Variants in KCNMB4 observed in about 807,000 individuals in gnomAD.
KCNMB4 encodes potassium calcium-activated channel subfamily M regulatory beta subunit 4.
A neutral mutation model predicts 20.7 loss-of-function variants in KCNMB4; 3 were observed. That is an observed-to-expected ratio of 0.14 (90% confidence interval 0.07 to 0.37). The LOEUF is 0.37. Among genes scored for constraint, KCNMB4 ranks in the 10% least tolerant of loss-of-function variants. KCNMB4 has a pLI of 1.00. For synonymous variants in KCNMB4, 110 were observed against 113.4 expected, an observed-to-expected ratio of 0.97 and a Z score of 0.19; for missense variants, 168 against 265.9, an observed-to-expected ratio of 0.63 and a Z score of 2.56.
chr12:70,372,498 C>T (rs1450859899), intron 1 of KCNMB4, among the ~76,000 whole-genome samples: 1 of 152,082 alleles, frequency 6.6e-6, no homozygotes, highest in Admixed American at 6.6e-5. Context: ...CAGTGGGTAG[C>T]ACTGGTAAAA....
intron 2 of KCNMB4, among the ~76,000 whole-genome samples, chr12:70,401,880 T>A (rs1181330830): frequency 6.6e-6 from 1 of 152,106 alleles, no homozygotes; most frequent in East Asian, 1.9e-4. Context: ...GCCTCGGCTC[T>A]GGAATTTGAA....
chr12:70,413,930 G>T (rs1050891412), intron 2 of KCNMB4, among the ~76,000 whole-genome samples: 9 of 152,136 alleles, frequency 5.9e-5, no homozygotes, highest in Admixed American at 3.3e-4. Context: ...GAGAGTTTCT[G>T]TCTGGTGAGA....
Position 70,366,581 on chromosome 12 carries a change from T to G in KCNMB4, c.-154T>G. The G allele has an allele frequency of 3.1e-6, 1 of 324,964 alleles. No individual in the cohort carries two copies. The highest frequency in any genetic ancestry group is 4.8e-6 in the Non-Finnish European group (1 of 207,970). 20.1% of individuals were successfully genotyped at this position (324,964 alleles called of 1,614,324 possible). A position where few individuals can be genotyped will look rare whatever the true frequency, so the allele number is the denominator to read the frequency against. Reference sequence around the variant, plus strand: ...GGGGGCGTCGCTGGCCTCGGCCCCTTTGTTCTCGCGCGCTCCCCCTCGCCG... The same window carrying G: ...GGGGGCGTCGCTGGCCTCGGCCCCTGTGTTCTCGCGCGCTCCCCCTCGCCG... On this transcript the variant is annotated 5_prime_UTR_variant, in exon 1 of 3. Transcript: ENST00000258111.
In KCNMB4 at chr12:70,404,318, T is replaced by C. The variant is rs554372002; in HGVS notation, c.464+3982T>C. Among the ~76,000 whole-genome samples, 5 of 152,250 alleles carry C rather than the reference T, an allele frequency of 3.3e-5. 1 individual carries two copies. The South Asian group carries it at 6.2e-4, about 19-fold the overall frequency. On this transcript the variant is annotated intron_variant, in intron 2 of 2. Coordinates refer to ENST00000258111, the MANE Select transcript of KCNMB4 (RefSeq NM_014505.6). Reference sequence around the variant, plus strand: ...GAAAGTAACTGGTGTGAATGTTGAATGTATACTGGCTGGGAAAGATGGGTT... The same window carrying C: ...GAAAGTAACTGGTGTGAATGTTGAACGTATACTGGCTGGGAAAGATGGGTT...
chr12:70,381,135 G>T (rs1441293284), intron 1 of KCNMB4, among the ~76,000 whole-genome samples: 3 of 151,202 alleles, frequency 2.0e-5, no homozygotes, highest in Middle Eastern at 3.2e-3. Flanking sequence ...TGGCCAATGA[G>T]CACATGAAAA....
chr12:70,416,564 T>C (rs1023433140), intron 2 of KCNMB4, among the ~76,000 whole-genome samples: 5 of 152,208 alleles, frequency 3.3e-5, no homozygotes, highest in African/African-American at 1.2e-4. Flanking sequence ...CTTTAATTGT[T>C]ATGCATATTT....
chr12:70,381,188 C>T (rs1408920106), intron 1 of KCNMB4, among the ~76,000 whole-genome samples: 1 of 151,500 alleles, frequency 6.6e-6, no homozygotes, highest in Non-Finnish European at 1.5e-5. Context: ...AAAATCAAAA[C>T]CCCAATGAAA....
At chr12:70,394,865 CTTTGT>C (rs1868337601) in intron 1 of KCNMB4, among the ~76,000 whole-genome samples, 1 of 152,066 alleles carries the variant, frequency 6.6e-6, no homozygotes, top group Non-Finnish European at 1.5e-5. Context: ...TGAGATCTCA[CTTTGT>C]TGCCCAGTGT....
At chr12:70,421,504 A>G (rs747026084) in intron 2 of KCNMB4, among the ~76,000 whole-genome samples, 6 of 149,622 alleles carry the variant, frequency 4.0e-5, no homozygotes, top group Non-Finnish European at 8.9e-5. Context: ...CTTTTCCCAT[A>G]CATACCCTCA....
chr12:70,402,035 C>T (rs186671307), intron 2 of KCNMB4, among the ~76,000 whole-genome samples: 2 of 152,184 alleles, frequency 1.3e-5, no homozygotes, highest in Non-Finnish European at 2.9e-5. Context: ...GGATACAAGG[C>T]TTCTCAAGAT....
At chr12:70,430,153 C>T (rs899890460) in intron 2 of KCNMB4, among the ~76,000 whole-genome samples, 3 of 151,816 alleles carry the variant, frequency 2.0e-5, no homozygotes, top group African/African-American at 7.3e-5. Context: ...GATTCAAGCC[C>T]CTTGACCAAT....
At position 70,367,747 on chromosome 12, in the gene KCNMB4, A is replaced by C. The variant is rs183733206; in HGVS notation, c.336+677A>C. On this transcript the variant is annotated intron_variant, in intron 1 of 2. Coordinates refer to ENST00000258111, the MANE Select transcript of KCNMB4 (RefSeq NM_014505.6). Reference sequence around the variant, plus strand: ...CTAGTTACCCTTTGTGTTTAGGGACAGTCAGGAGTCGTCTGGAGAACAGTA... The same window carrying C: ...CTAGTTACCCTTTGTGTTTAGGGACCGTCAGGAGTCGTCTGGAGAACAGTA... Among the ~76,000 whole-genome samples, 65 of 152,244 alleles carry C rather than the reference A, an allele frequency of 4.3e-4. 1 individual carries two copies. The East Asian group carries it at 8.1e-3, about 19-fold the overall frequency.
chr12:70,378,595 G>GGT (rs1293032066), intron 1 of KCNMB4, among the ~76,000 whole-genome samples: 1 of 152,086 alleles, frequency 6.6e-6, no homozygotes, highest in Non-Finnish European at 1.5e-5. Context: ...CGAGTACAAT[G>GGT]GTGTGGTCTT....
At chr12:70,427,981 C>T (rs993965528) in intron 2 of KCNMB4, among the ~76,000 whole-genome samples, 9 of 152,100 alleles carry the variant, frequency 5.9e-5, no homozygotes, top group African/African-American at 2.2e-4. Context: ...ATCCAAGTCC[C>T]TCACCCTGAA....
At chr12:70,415,432 T>C (rs780397866) in intron 2 of KCNMB4, among the ~76,000 whole-genome samples, 3 of 152,214 alleles carry the variant, frequency 2.0e-5, no homozygotes, top group Non-Finnish European at 4.4e-5. Flanking sequence ...GTCTGTTCTC[T>C]TAAGCATTCT....
intron 1 of KCNMB4, among the ~76,000 whole-genome samples, chr12:70,399,467 C>T (rs931006142): frequency 8.5e-5 from 13 of 152,178 alleles, no homozygotes; most frequent in African/African-American, 3.1e-4. Flanking sequence ...TGCAAACACT[C>T]AATAAATAGA....
At chr12:70,370,307 G>GT (rs5798977) in intron 1 of KCNMB4, among the ~76,000 whole-genome samples, 84,442 of 149,524 alleles carry the variant, frequency 0.56, 24,917 homozygotes, top group East Asian at 0.91. Context: ...GTTTTTTTTT[G>GT]TTTTTTTGTT....
chr12:70,405,147 TG>T (rs776161822), intron 2 of KCNMB4, among the ~76,000 whole-genome samples: 4 of 152,142 alleles, frequency 2.6e-5, no homozygotes, highest in African/African-American at 4.8e-5. Flanking sequence ...AAGTTTGCCA[TG>T]GACTACATCA....
rs565254738 is a variant in KCNMB4 at position 70,366,646 on chromosome 12, G to A, written c.-89G>A. On this transcript the variant is annotated 5_prime_UTR_variant, in exon 1 of 3. Transcript: ENST00000258111. ...GTCGCGCGGCGGCGGCGGTGGCGGC[G>A]GCGGCTCCTCCCGCCCGAGGCAGTC... 11 of 1,001,302 alleles carry A rather than the reference G, an allele frequency of 1.1e-5. No homozygotes were observed. In the African/African-American group the frequency reaches 1.5e-4, roughly 14 times the overall value. The allele number at this position is 1,001,302 out of a possible 1,614,324, so 62.0% of individuals were successfully genotyped here. A position where few individuals can be genotyped will look rare whatever the true frequency, so the allele number is the denominator to read the frequency against.
Sources: gnomAD v4.1 joint callset for allele counts (sites outside exome capture counted in the v4.1 genomes callset) on GRCh38, gnomAD v4.1.1 for gene constraint, MANE v1.5 for transcripts, NCBI Gene and HGNC (gene_info 2026-07-23, HGNC 2026-07-21) for gene names.